OR14I1: variants seen among roughly 807,000 people sequenced by gnomAD.
The protein encoded by OR14I1 is olfactory receptor 14I1.
For missense variants in OR14I1, 279 were observed against 181.8 expected, an observed-to-expected ratio of 1.53 and a Z score of -3.07; for synonymous variants, 118 against 71.1, an observed-to-expected ratio of 1.66 and a Z score of -3.32.
the OR14I1 span, chr1:248,691,691 G>C: frequency 6.6e-6 from 1 of 152,446 alleles, no homozygotes; most frequent in African/African-American, 2.4e-5. Flanking sequence ...AGAGCGGGAA[G>C]TGAGGACCAA....
chr1:248,691,453 G>A, the OR14I1 span, among the ~76,000 whole-genome samples: 1 of 152,218 alleles, frequency 6.6e-6, no homozygotes, highest in Non-Finnish European at 1.5e-5. Flanking sequence ...TAAGTATATA[G>A]GTACCCTTTC....
At chr1:248,694,874 C>T in the OR14I1 span, among the ~76,000 whole-genome samples, 1 of 152,238 alleles carries the variant, frequency 6.6e-6, no homozygotes, top group East Asian at 1.9e-4. Context: ...TTCATCATTA[C>T]CTTCTGCAGT....
the OR14I1 span, among the ~76,000 whole-genome samples, chr1:248,701,314 G>T: frequency 6.6e-6 from 1 of 152,072 alleles, no homozygotes; most frequent in African/African-American, 2.4e-5. Flanking sequence ...ACCACATCCG[G>T]CTAATTTTTG....
exon 1 of OR14I1, chr1:248,681,728 C>T (rs1661568155): frequency 1.3e-6 from 1 of 781,066 alleles, no homozygotes; most frequent in Non-Finnish European, 2.4e-6. Flanking sequence ...AAAAACTCTA[C>T]AAAGAAAACC....
At chr1:248,692,134 C>A in the OR14I1 span, 1 of 152,466 alleles carries the variant, frequency 6.6e-6, no homozygotes, top group Non-Finnish European at 1.5e-5. Context: ...AGCGACGGGG[C>A]CGGCCGCAGC....
upstream of OR14I1, among the ~76,000 whole-genome samples, chr1:248,683,893 G>A (rs148126626): frequency 5.2e-3 from 787 of 152,304 alleles, 9 homozygotes; most frequent in African/African-American, 0.017. Flanking sequence ...ATAGCTGAGC[G>A]TGGTGGCACA....
At chr1:248,693,913 A>C in the OR14I1 span, among the ~76,000 whole-genome samples, 5 of 152,036 alleles carry the variant, frequency 3.3e-5, no homozygotes, top group Admixed American at 1.3e-4. Flanking sequence ...AAAAAAAAAA[A>C]AAACCATTTA....
chr1:248,689,337 C>T, the OR14I1 span, among the ~76,000 whole-genome samples: 1 of 152,092 alleles, frequency 6.6e-6, no homozygotes, highest in African/African-American at 2.4e-5. Flanking sequence ...AGTTCTAGAG[C>T]CCTTGGATTC....
downstream of OR14I1, among the ~76,000 whole-genome samples, chr1:248,680,931 T>C (rs1237037248): frequency 6.6e-6 from 1 of 151,508 alleles, no homozygotes; most frequent in East Asian, 1.9e-4. Flanking sequence ...ATGTTCTTTT[T>C]TGTTGACTGG....
At chr1:248,681,444 T>C (rs1661560168) in exon 1 of OR14I1, 1 of 781,032 alleles carries the variant, frequency 1.3e-6, no homozygotes, top group Non-Finnish European at 2.4e-6. Flanking sequence ...TAAGACTATA[T>C]ATGATGGGAT....
chr1:248,678,394 T>A (rs1283115498), downstream of OR14I1, among the ~76,000 whole-genome samples: 1 of 152,144 alleles, frequency 6.6e-6, no homozygotes, highest in Non-Finnish European at 1.5e-5. Flanking sequence ...CTTAACAAAT[T>A]TAAAAGATTC....
upstream of OR14I1, among the ~76,000 whole-genome samples, chr1:248,682,693 C>T (rs778504888): frequency 3.3e-5 from 5 of 152,056 alleles, no homozygotes; most frequent in Non-Finnish European, 7.4e-5. Flanking sequence ...CAATAATTTG[C>T]TTTTCATACA....
At chr1:248,691,958 C>T in the OR14I1 span, among the ~76,000 whole-genome samples, 11 of 152,310 alleles carry the variant, frequency 7.2e-5, no homozygotes, top group South Asian at 1.4e-3. Flanking sequence ...CCAGGTGCCT[C>T]CAGAGGCCGA....
chr1:248,690,600 CAAAAAA>C, the OR14I1 span, among the ~76,000 whole-genome samples: 8 of 51,518 alleles, frequency 1.6e-4, no homozygotes, highest in South Asian at 2.1e-3. Flanking sequence ...GTCTACCAAC[CAAAAAA>C]AAAAAAAAAA....
chr1:248,697,731 C>T, the OR14I1 span, among the ~76,000 whole-genome samples: 8 of 151,980 alleles, frequency 5.3e-5, no homozygotes, highest in Non-Finnish European at 1.2e-4. Context: ...TGTGGTGAGC[C>T]GAGATTGCTC....
upstream of OR14I1, among the ~76,000 whole-genome samples, chr1:248,686,671 T>TA (rs1227682055): frequency 6.7e-6 from 1 of 148,668 alleles, no homozygotes; most frequent in African/African-American, 2.5e-5. Context: ...TTTTTTCTCA[T>TA]AAAAAATTTG....
chr1:248,701,784 T>C, the OR14I1 span, among the ~76,000 whole-genome samples: 1 of 152,124 alleles, frequency 6.6e-6, no homozygotes, highest in Admixed American at 6.5e-5. Context: ...CCTCCAAAAA[T>C]AGCTATCCAC....
downstream of OR14I1, among the ~76,000 whole-genome samples, chr1:248,680,170 A>G (rs1426910886): frequency 6.6e-6 from 1 of 152,274 alleles, no homozygotes; most frequent in African/African-American, 2.4e-5. Context: ...ATTTAAAGCA[A>G]TAAACATCTA....
chr1:248,680,083 T>C (rs966178546), downstream of OR14I1, among the ~76,000 whole-genome samples: 2 of 152,228 alleles, frequency 1.3e-5, no homozygotes, highest in African/African-American at 2.4e-5. Context: ...AAGAATTCTT[T>C]CTCCTGTGTT....
Sources: allele counts gnomAD v4.1 joint callset (sites outside exome capture counted in the v4.1 genomes callset), GRCh38; gene constraint gnomAD v4.1.1; transcripts MANE v1.5; gene names NCBI Gene and HGNC (gene_info 2026-07-23, HGNC 2026-07-21).